Variants in NUDT3 observed in about 807,000 individuals in gnomAD.
NUDT3 encodes nudix hydrolase 3.
In NUDT3, 9 loss-of-function variants were observed where a neutral mutation model predicts 23.6. The ratio of observed to expected loss-of-function variants is 0.38; its 90% CI spans 0.23 to 0.66. The LOEUF (loss-of-function observed/expected upper bound fraction) is 0.66. NUDT3 is among the 30% of genes least tolerant of loss of function. The probability of loss-of-function intolerance (pLI) is 0.52; values close to 1 mark genes in which losing one functional copy is unlikely to be tolerated. For synonymous variants in NUDT3, 86 were observed against 82.6 expected, an observed-to-expected ratio of 1.04 and a Z score of -0.22; for missense variants, 172 against 218.5, an observed-to-expected ratio of 0.79 and a Z score of 1.34.
chr6:34,382,693 T>C (rs1765041422), intron 1 of NUDT3, among the ~76,000 whole-genome samples: 2 of 151,734 alleles, frequency 1.3e-5, no homozygotes, highest in Non-Finnish European at 2.9e-5. Context: ...TAGCCAGGCA[T>C]GGTGGTGCAT....
chr6:34,306,891 T>G (rs1350884633), intron 2 of NUDT3, among the ~76,000 whole-genome samples: 1 of 152,224 alleles, frequency 6.6e-6, no homozygotes, highest in Non-Finnish European at 1.5e-5. Context: ...ACCTTTAAAT[T>G]AGTCAATTTA....
intron 1 of NUDT3, among the ~76,000 whole-genome samples, chr6:34,376,346 G>A (rs191768423): frequency 6.6e-6 from 1 of 152,054 alleles, no homozygotes; most frequent in East Asian, 1.9e-4. Flanking sequence ...CAAGTGCAAT[G>A]GCATCTAGTG....
At chr6:34,359,174 C>T (rs1764610044) in intron 1 of NUDT3, among the ~76,000 whole-genome samples, 1 of 152,092 alleles carries the variant, frequency 6.6e-6, no homozygotes, top group African/African-American at 2.4e-5. Context: ...GAGATCGAAA[C>T]CATCCTGGCT....
intron 2 of NUDT3, among the ~76,000 whole-genome samples, chr6:34,300,208 GC>G (rs1246708781): frequency 6.6e-6 from 1 of 152,128 alleles, no homozygotes; most frequent in Non-Finnish European, 1.5e-5. Flanking sequence ...GTGGGTGATG[GC>G]CCTTTGAACC....
chr6:34,313,585 T>C (rs555015154), intron 2 of NUDT3, among the ~76,000 whole-genome samples: 50 of 151,982 alleles, frequency 3.3e-4, no homozygotes, highest in East Asian at 2.5e-3. Flanking sequence ...TAATGGGGGC[T>C]ATGCACACGT....
At chr6:34,325,819 G>T (rs746734932) in intron 2 of NUDT3, among the ~76,000 whole-genome samples, 14 of 152,320 alleles carry the variant, frequency 9.2e-5, no homozygotes, top group Middle Eastern at 3.4e-3. Context: ...TAAAGACACG[G>T]TAGTGCTGAC....
At chr6:34,311,459 GT>G (rs1763771172) in intron 2 of NUDT3, among the ~76,000 whole-genome samples, 1 of 152,158 alleles carries the variant, frequency 6.6e-6, no homozygotes, top group African/African-American at 2.4e-5. Flanking sequence ...AACAATCCAT[GT>G]TAATGAATAG....
At chr6:34,388,809 C>T (rs1234423139) in intron 1 of NUDT3, among the ~76,000 whole-genome samples, 1 of 152,116 alleles carries the variant, frequency 6.6e-6, no homozygotes, top group Non-Finnish European at 1.5e-5. Flanking sequence ...CTAAAATGGA[C>T]GTATTTCACT....
At position 34,281,402 on chromosome 6, in the gene NUDT3, T is replaced by TC. The variant is rs1378800013; in HGVS notation, c.*7350dup. 6.6e-6 allele frequency: 1 copy of TC among 152,240 alleles called. No homozygotes were observed. The highest frequency in any genetic ancestry group is 1.5e-5 in the Non-Finnish European group (1 of 68,054). The allele number at this position is 152,240 out of a possible 1,614,324, so 9.4% of individuals were successfully genotyped here. ...GAAGGTGAGAGACACTAGCTTCAAT[T>TC]CCATTTTACAACAGTTCTCAACAAC... is the stretch of plus-strand genomic sequence containing the variant. On this transcript the variant is annotated 3_prime_UTR_variant, in exon 5 of 5. Coordinates refer to ENST00000607016, the MANE Select transcript of NUDT3 (RefSeq NM_006703.4).
Position 34,392,440 on chromosome 6 carries a change from G to T in NUDT3, c.-78C>A. ...GAGCCCGCTCTGGACGGCCGCGTGC[G>T]CGCGCGCCCCCGGCTCGGCCAAGGG... is the stretch of plus-strand genomic sequence containing the variant. On this transcript the variant is annotated 5_prime_UTR_variant, in exon 1 of 5. Coordinates refer to ENST00000607016, the MANE Select transcript of NUDT3 (RefSeq NM_006703.4). 1 of 1,101,298 alleles carries T rather than the reference G, an allele frequency of 9.1e-7. No homozygotes were observed. Among genetic ancestry groups the T allele is most frequent in the Non-Finnish European group, 1.3e-6 (1 of 764,850 alleles). 68.2% of individuals were successfully genotyped at this position (1,101,298 alleles called of 1,614,324 possible).
rs146818137 is a variant in NUDT3 at position 34,313,811 on chromosome 6, A to G, written c.211-18126T>C. Among the ~76,000 whole-genome samples, 362 of 151,334 alleles carry G rather than the reference A, an allele frequency of 2.4e-3. 1 individual carries two copies. The highest frequency in any genetic ancestry group is 8.2e-3 in the African/African-American group (337 of 41,146). ...CCCTATCTCTACTAAAAATACAAAA[A>G]ATTAGGCCAAGCGCGGTGGCTCACG... On this transcript the variant is annotated intron_variant, in intron 2 of 4. Coordinates refer to ENST00000607016, the MANE Select transcript of NUDT3 (RefSeq NM_006703.4).
At chr6:34,381,923 A>C (rs1262569006) in intron 1 of NUDT3, among the ~76,000 whole-genome samples, 30 of 151,850 alleles carry the variant, frequency 2.0e-4, no homozygotes, top group Non-Finnish European at 2.9e-5. Flanking sequence ...AAATACAAAA[A>C]TTAGCCAGGC....
chr6:34,354,396 CA>C, intron 1 of NUDT3, among the ~76,000 whole-genome samples: 1 of 118,662 alleles, frequency 8.4e-6, no homozygotes, highest in Non-Finnish European at 1.8e-5. Flanking sequence ...TTTCATTAAA[CA>C]CACACACACA....
At position 34,306,933 on chromosome 6, in the gene NUDT3, T is replaced by C. The variant is rs145138399; in HGVS notation, c.211-11248A>G. Among the ~76,000 whole-genome samples the C allele has an allele frequency of 4.4e-3, 664 of 152,340 alleles. 5 individuals are homozygous for C. Among genetic ancestry groups the C allele is most frequent in the African/African-American group, 0.015 (630 of 41,574 alleles). ...CAGTTCCTCGACTAAGGAGCAATTCTTTTTTAAACGCTACTAGCTTTTGAG... is the reference window on the plus strand; with the variant it reads ...CAGTTCCTCGACTAAGGAGCAATTCCTTTTTAAACGCTACTAGCTTTTGAG... On this transcript the variant is annotated intron_variant, in intron 2 of 4. Coordinates refer to ENST00000607016, the MANE Select transcript of NUDT3 (RefSeq NM_006703.4).
chr6:34,365,637 G>A (rs1380687606), intron 1 of NUDT3, among the ~76,000 whole-genome samples: 3 of 152,304 alleles, frequency 2.0e-5, no homozygotes, highest in East Asian at 3.9e-4. Context: ...GCAGAATGGG[G>A]CATAGTGGCT....
intron 1 of NUDT3, among the ~76,000 whole-genome samples, chr6:34,372,349 C>T (rs1026878325): frequency 6.6e-6 from 1 of 152,186 alleles, no homozygotes; most frequent in Non-Finnish European, 1.5e-5. Flanking sequence ...AACTAGTTTA[C>T]AGTCCCACCA....
rs1286509768 is a variant in NUDT3, at chr6:34,280,723, T to C, written c.*8030A>G. On this transcript the variant is annotated 3_prime_UTR_variant, in exon 5 of 5. Transcript: ENST00000607016. ...CCTAATGATGAGAAGGCTAACTTAT[T>C]TGCTTTCCTGGGTGGTCCTGATGGA... 1 of 152,242 alleles carries C rather than the reference T, an allele frequency of 6.6e-6. No individual in the cohort carries two copies. The highest frequency in any genetic ancestry group is 1.5e-5 in the Non-Finnish European group (1 of 68,076). 9.4% of individuals were successfully genotyped at this position (152,242 alleles called of 1,614,324 possible). A position where few individuals can be genotyped will look rare whatever the true frequency, so the allele number is the denominator to read the frequency against.
intron 2 of NUDT3, among the ~76,000 whole-genome samples, chr6:34,315,226 T>C (rs761433955): frequency 2.6e-5 from 4 of 152,204 alleles, no homozygotes; most frequent in African/African-American, 4.8e-5. Context: ...GTGATTCTGG[T>C]TCTCTTATTA....
chr6:34,319,997 C>CTA (rs1491310538), intron 2 of NUDT3, among the ~76,000 whole-genome samples: 5 of 121,552 alleles, frequency 4.1e-5, no homozygotes, highest in African/African-American at 8.8e-5. Context: ...ACGAAAACAT[C>CTA]TATATATATG....
Sources: gnomAD v4.1 joint callset for allele counts (sites outside exome capture counted in the v4.1 genomes callset) on GRCh38, gnomAD v4.1.1 for gene constraint, MANE v1.5 for transcripts, NCBI Gene and HGNC (gene_info 2026-07-23, HGNC 2026-07-21) for gene names.